WIPF3: variants seen among roughly 807,000 people sequenced by gnomAD.
The protein encoded by WIPF3 is WAS/WASL-interacting protein family member 3.
In WIPF3, 33 loss-of-function variants were observed where a neutral mutation model predicts 38.9. The observed-to-expected ratio is 0.85, with a 90% confidence interval of 0.64 to 1.14. The LOEUF (loss-of-function observed/expected upper bound fraction) is 1.14, where lower values mean the gene tolerates loss of function less well. Among genes scored for constraint, WIPF3 ranks in the 50% most tolerant of loss-of-function variants. The pLI is 0.00. For synonymous variants in WIPF3, 324 were observed against 269.3 expected (o/e 1.20, Z -1.99); for missense variants, 711 against 652.5 (o/e 1.09, Z -0.98).
chr7:29,834,955 C>T, intron 2 of WIPF3, 141 bp downstream of exon 2: 1 of 1,030,378 alleles, frequency 9.7e-7, no homozygotes, highest in South Asian at 1.6e-5. Context: ...GATCTGGCAG[C>T]TTTAGAGTCT....
intron 1 of WIPF3, among the ~76,000 whole-genome samples, chr7:29,808,253 T>A (rs545809533): frequency 1.3e-5 from 2 of 152,274 alleles, no homozygotes; most frequent in Non-Finnish European, 2.9e-5. Flanking sequence ...CAAAGATACA[T>A]TTAAAAACCA....
intron 2 of WIPF3, among the ~76,000 whole-genome samples, chr7:29,873,604 G>A (rs1275028405): frequency 1.3e-5 from 2 of 152,154 alleles, no homozygotes; most frequent in Non-Finnish European, 2.9e-5. Flanking sequence ...AAAGCATATT[G>A]TATGGGAAAT....
chr7:29,914,380 T>C (rs1384070043), intron 8 of WIPF3, 113 bp from the exon 9 acceptor site: 1 of 835,516 alleles, frequency 1.2e-6, no homozygotes, highest in East Asian at 3.1e-5. Context: ...TTGACAGCCT[T>C]GCATGAATGA....
intron 7 of WIPF3, among the ~76,000 whole-genome samples, chr7:29,899,604 A>G (rs534051700): frequency 6.6e-6 from 1 of 152,356 alleles, no homozygotes; most frequent in African/African-American, 2.4e-5. Context: ...CATTTACATA[A>G]TAAAACAATT....
In WIPF3 at chr7:29,914,487, CCA is replaced by C. The variant is rs780137727; in HGVS notation, c.1429-3_1429-2del. 2.3e-5 allele frequency: 35 copies of C among 1,518,304 alleles called. No homozygotes were observed. The highest frequency in any genetic ancestry group is 3.0e-5 in the Non-Finnish European group (34 of 1,131,114). The allele number at this position is 1,518,304 out of a possible 1,614,324, so 94.1% of individuals were successfully genotyped here. ...CACCTGGTAATGTTCTGTTATGTTT[CCA>C]CAGTTATCTCTAAAGACTCTTCGGT... is the stretch of plus-strand genomic sequence containing the variant. On this transcript the variant is annotated splice_region_variant and splice_polypyrimidine_tract_variant and intron_variant, in intron 8 of 8. Transcript: ENST00000242140.
intron 8 of WIPF3, among the ~76,000 whole-genome samples, chr7:29,906,789 A>T (rs963541425): frequency 1.3e-5 from 2 of 152,236 alleles, no homozygotes; most frequent in Non-Finnish European, 2.9e-5. Context: ...GAAGTGACTC[A>T]TCACATACAA....
At chr7:29,896,653 T>C (rs1032166832) in intron 7 of WIPF3, among the ~76,000 whole-genome samples, 10 of 152,122 alleles carry the variant, frequency 6.6e-5, no homozygotes, top group African/African-American at 2.4e-4. Context: ...TTTGGGGTGA[T>C]AGAAACATTT....
chr7:29,822,036 T>G (rs1784544043), intron 1 of WIPF3, among the ~76,000 whole-genome samples: 1 of 152,072 alleles, frequency 6.6e-6, no homozygotes, highest in Non-Finnish European at 1.5e-5. Flanking sequence ...GTCACAGTGT[T>G]TATCTGCTTT....
intron 1 of WIPF3, among the ~76,000 whole-genome samples, chr7:29,820,116 A>G (rs1210476946): frequency 1.3e-5 from 2 of 152,112 alleles, no homozygotes; most frequent in East Asian, 1.9e-4. Flanking sequence ...ATCTGAATAT[A>G]CATTTGCCTT....
Position 29,916,976 on chromosome 7 carries a change from C to G in WIPF3, c.*2460C>G, listed in dbSNP as rs888385756. The stretch of plus-strand genomic sequence containing the variant: ...CTGACACTGCAGTCTGTGACTCCTC[C>G]AATGTTTCACGTGTATTTTATATTT... On this transcript the variant is annotated 3_prime_UTR_variant, in exon 9 of 9. Transcript: ENST00000242140. 2.6e-5 allele frequency: 4 copies of G among 152,204 alleles called. No homozygotes were observed. Among genetic ancestry groups the G allele is most frequent in the African/African-American group, 9.6e-5 (4 of 41,456 alleles). The allele number at this position is 152,204 out of a possible 1,614,324, so 9.4% of individuals were successfully genotyped here.
intron 7 of WIPF3, among the ~76,000 whole-genome samples, chr7:29,900,568 G>A (rs1028485252): frequency 6.6e-6 from 1 of 152,166 alleles, no homozygotes; most frequent in Non-Finnish European, 1.5e-5. Context: ...AACAGTGGGG[G>A]ATGAGAGGAA....
intron 2 of WIPF3, among the ~76,000 whole-genome samples, chr7:29,849,404 C>T (rs965238844): frequency 2.6e-5 from 4 of 152,200 alleles, no homozygotes; most frequent in Admixed American, 2.6e-4. Flanking sequence ...GTTGCATTTA[C>T]TGTTCTCTGC....
chr7:29,911,875 A>G (rs1050953259), intron 8 of WIPF3, among the ~76,000 whole-genome samples: 2 of 152,232 alleles, frequency 1.3e-5, no homozygotes, highest in African/African-American at 2.4e-5. Flanking sequence ...GGGTTTGACA[A>G]TGATTTCTTG....
chr7:29,910,369 C>A (rs1156329516), intron 8 of WIPF3, among the ~76,000 whole-genome samples: 1 of 152,156 alleles, frequency 6.6e-6, no homozygotes, highest in Admixed American at 6.5e-5. Flanking sequence ...CTAACCCAAT[C>A]CCTCTAAAAG....
intron 1 of WIPF3, among the ~76,000 whole-genome samples, chr7:29,822,288 GGAACTCCTTATGACA>G (rs557885813): frequency 1.1e-4 from 17 of 151,958 alleles, no homozygotes; most frequent in African/African-American, 4.1e-4. Flanking sequence ...GGCTTAGGGA[GGAACTCCTTATGACA>G]CAGAGAGAGA....
intron 8 of WIPF3, chr7:29,912,456 C>T (rs1786521525): frequency 6.1e-6 from 1 of 163,618 alleles, no homozygotes; most frequent in African/African-American, 2.4e-5. Context: ...AAAGCAGAGC[C>T]TGGAAGAGAT....
chr7:29,817,568 A>G (rs192075054), intron 1 of WIPF3, among the ~76,000 whole-genome samples: 1 of 152,054 alleles, frequency 6.6e-6, no homozygotes, highest in Admixed American at 6.5e-5. Flanking sequence ...CCAGATTACT[A>G]CCCAATTTAC....
chr7:29,854,354 C>G (rs1785153209), intron 2 of WIPF3, among the ~76,000 whole-genome samples: 1 of 152,156 alleles, frequency 6.6e-6, no homozygotes, highest in African/African-American at 2.4e-5. Context: ...TCTTTAATCC[C>G]AAGTAGGATG....
intron 4 of WIPF3, 140 bp from the exon 5 acceptor site, chr7:29,883,710 C>T: frequency 8.1e-7 from 1 of 1,236,604 alleles, no homozygotes; most frequent in Non-Finnish European, 1.1e-6. Context: ...CACCTGAGGC[C>T]TCTCAGTGGA....
Sources: gnomAD v4.1 joint callset for allele counts (sites outside exome capture counted in the v4.1 genomes callset) on GRCh38, gnomAD v4.1.1 for gene constraint, MANE v1.5 for transcripts, NCBI Gene and HGNC (gene_info 2026-07-23, HGNC 2026-07-21) for gene names.